Variants in DPH6 observed in about 807,000 individuals in gnomAD.
DPH6 encodes diphthine--ammonia ligase.
Under a neutral mutation model 38.2 loss-of-function variants are expected in DPH6, and 33 were observed. The observed-to-expected ratio is 0.86, with a 90% CI of 0.65 to 1.15. The LOEUF (loss-of-function observed/expected upper bound fraction) is 1.15, where lower values mean the gene tolerates loss of function less well. Among genes scored for constraint, DPH6 ranks in the 50% most tolerant of loss-of-function variants. The pLI, the probability that DPH6 is intolerant of heterozygous loss-of-function variation, is 0.00. For synonymous variants in DPH6, 108 were observed against 103.0 expected (o/e 1.05, Z -0.30); for missense variants, 325 against 320.0 (o/e 1.02, Z -0.12).
At chr15:35,458,893 G>T (rs2054029051) in intron 3 of DPH6, among the ~76,000 whole-genome samples, 1 of 152,190 alleles carries the variant, frequency 6.6e-6, no homozygotes, top group Non-Finnish European at 1.5e-5. Flanking sequence ...CATCATTTCA[G>T]TTATTCCCAA....
chr15:35,314,093 C>G (rs1217332885), intron 3 of DPH6, among the ~76,000 whole-genome samples: 1 of 134,188 alleles, frequency 7.5e-6, no homozygotes, highest in Non-Finnish European at 1.6e-5. Flanking sequence ...TCAAACAACT[C>G]AATAGCAAAA....
chr15:35,488,755 T>G (rs16961080), intron 3 of DPH6, among the ~76,000 whole-genome samples: 2 of 151,968 alleles, frequency 1.3e-5, no homozygotes, highest in Non-Finnish European at 2.9e-5. Context: ...TATGAGGCTA[T>G]AAAAGAGACG....
At chr15:35,436,461 G>A (rs994735532) in intron 5 of DPH6, among the ~76,000 whole-genome samples, 7 of 91,074 alleles carry the variant, frequency 7.7e-5, no homozygotes, top group African/African-American at 2.1e-4. Context: ...GTGAGACTCC[G>A]TCTCAAACAA....
intron 3 of DPH6, among the ~76,000 whole-genome samples, chr15:35,463,519 T>G (rs1241081926): frequency 6.6e-6 from 1 of 152,222 alleles, no homozygotes; most frequent in South Asian, 2.1e-4. Flanking sequence ...AAAAGACATA[T>G]TTTCAAAGGA....
intron 3 of DPH6, among the ~76,000 whole-genome samples, chr15:35,485,259 C>T (rs1182361054): frequency 6.6e-6 from 1 of 152,136 alleles, no homozygotes; most frequent in Non-Finnish European, 1.5e-5. Context: ...ATGGGGAATA[C>T]ATCAGAAATT....
Position 35,543,259 on chromosome 15 carries a change from AATATATATATATATATATATATATATAT to A in DPH6, c.24-780_24-753del, listed in dbSNP as rs6145522. On this transcript the variant is annotated intron_variant, in intron 1 of 8. Coordinates refer to ENST00000256538, the MANE Select transcript of DPH6 (RefSeq NM_080650.4). ...ATACATATAGTACACACATACACATAATATATATATATATATATATATATATATATATATATATATATATGATGGCAGC... is the reference window on the plus strand; with the variant it reads ...ATACATATAGTACACACATACACATAATATATATATATATATGATGGCAGC... 6.1e-5 allele frequency among the ~76,000 whole-genome samples: 7 copies of A among 114,114 alleles called. No individual in the cohort carries two copies. In the East Asian group the frequency reaches 7.1e-4, roughly 12 times the overall value. 74.9% of individuals were successfully genotyped at this position (114,114 alleles called of 152,430 possible). A position where few individuals can be genotyped will look rare whatever the true frequency, so the allele number is the denominator to read the frequency against.
intron 5 of DPH6, among the ~76,000 whole-genome samples, chr15:35,439,537 G>C (rs1455179371): frequency 6.6e-6 from 1 of 152,134 alleles, no homozygotes; most frequent in Non-Finnish European, 1.5e-5. Flanking sequence ...TGACTGGAAG[G>C]GTATGCTTCC....
intron 6 of DPH6, among the ~76,000 whole-genome samples, chr15:35,391,618 C>T (rs191152278): frequency 5.9e-5 from 9 of 152,314 alleles, no homozygotes; most frequent in East Asian, 1.9e-4. Context: ...AGCGAGGCTC[C>T]GTGGGCGTAG....
At chr15:35,463,029 G>T (rs946250300) in intron 3 of DPH6, among the ~76,000 whole-genome samples, 1 of 152,066 alleles carries the variant, frequency 6.6e-6, no homozygotes. Flanking sequence ...ATGAGGAAAG[G>T]ATATTAATAG....
intron 4 of DPH6, 131 bp from the exon 5 acceptor site, chr15:35,450,934 A>G (rs2053925141): frequency 1.5e-6 from 1 of 661,634 alleles, no homozygotes; most frequent in African/African-American, 1.8e-5. Context: ...TTTTAAAAAC[A>G]TATTTTGCAT....
intron 3 of DPH6, chr15:35,298,750 C>G (rs919717485): frequency 6.6e-7 from 1 of 1,522,304 alleles, no homozygotes; most frequent in African/African-American, 1.4e-5. Context: ...CCGTGCCCCC[C>G]AAGTTAGCGA....
chr15:35,182,319 G>A, the DPH6 span, among the ~76,000 whole-genome samples: 1 of 133,092 alleles, frequency 7.5e-6, no homozygotes, highest in African/African-American at 2.7e-5. Context: ...TTTGCAGAGT[G>A]TTTCAGACTA....
chr15:35,360,242 C>G (rs1270179005), intron 3 of DPH6, among the ~76,000 whole-genome samples: 2 of 152,150 alleles, frequency 1.3e-5, no homozygotes, highest in Non-Finnish European at 2.9e-5. Context: ...AGAGCTGTCT[C>G]ACATGGATGC....
At chr15:35,503,487 G>A (rs946915877) in intron 3 of DPH6, among the ~76,000 whole-genome samples, 2 of 152,102 alleles carry the variant, frequency 1.3e-5, no homozygotes, top group East Asian at 3.9e-4. Context: ...AAATGATCTT[G>A]CCTCCAAGAC....
intron 3 of DPH6, among the ~76,000 whole-genome samples, chr15:35,527,090 G>T (rs1294766949): frequency 6.6e-6 from 1 of 152,012 alleles, no homozygotes; most frequent in African/African-American, 2.4e-5. Flanking sequence ...TTTCTTCTCT[G>T]CATTAACTTA....
intron 3 of DPH6, among the ~76,000 whole-genome samples, chr15:35,455,606 T>C (rs2053986407): frequency 6.6e-6 from 1 of 152,078 alleles, no homozygotes; most frequent in Admixed American, 6.5e-5. Context: ...AAATGACAGG[T>C]CCAAGGTGAG....
At chr15:35,238,493 G>A (rs896672285) in intron 3 of DPH6, among the ~76,000 whole-genome samples, 2 of 152,164 alleles carry the variant, frequency 1.3e-5, no homozygotes, top group African/African-American at 2.4e-5. Flanking sequence ...AGCCACACTT[G>A]GGGAGCCAAT....
intron 3 of DPH6, among the ~76,000 whole-genome samples, chr15:35,231,760 G>A (rs28678104): frequency 0.012 from 1,884 of 152,292 alleles, 20 homozygotes; most frequent in South Asian, 0.062. Context: ...GAGGCCTCAG[G>A]AAGTTTTTAC....
At chr15:35,358,610 G>C (rs547976207) in intron 3 of DPH6, among the ~76,000 whole-genome samples, 4 of 152,100 alleles carry the variant, frequency 2.6e-5, no homozygotes, top group African/African-American at 9.6e-5. Context: ...TTTTCCTATG[G>C]ATGTAGCTTC....
Sources: gnomAD v4.1 joint callset for allele counts (sites outside exome capture counted in the v4.1 genomes callset) on GRCh38, gnomAD v4.1.1 for gene constraint, MANE v1.5 for transcripts, NCBI Gene and HGNC (gene_info 2026-07-23, HGNC 2026-07-21) for gene names.